NKAIN2: variants seen among roughly 807,000 people sequenced by gnomAD.
The protein encoded by NKAIN2 is sodium/potassium-transporting ATPase subunit beta-1-interacting protein 2.
A neutral mutation model predicts 32.6 loss-of-function variants in NKAIN2; 14 were observed. That is an observed-to-expected ratio of 0.43 (90% confidence interval 0.28 to 0.67). The LOEUF is 0.67. NKAIN2 is among the 30% of genes least tolerant of loss of function. NKAIN2 has a pLI of 0.17. For synonymous variants in NKAIN2, 80 were observed against 87.2 expected (o/e 0.92, Z 0.46); for missense variants, 198 against 258.3 (o/e 0.77, Z 1.60).
chr6:124,109,034 C>T (rs1230951014), intron 1 of NKAIN2, among the ~76,000 whole-genome samples: 3 of 151,956 alleles, frequency 2.0e-5, no homozygotes, highest in Non-Finnish European at 4.4e-5. Flanking sequence ...TTTGGCTTTT[C>T]ATGGCCTGTT....
Position 124,822,752 on chromosome 6 carries a change from G to A in NKAIN2, c.618-468G>A, listed in dbSNP as rs532904564. Among the ~76,000 whole-genome samples the A allele has an allele frequency of 2.5e-4, 38 of 151,892 alleles. No individual in the cohort carries two copies. The Middle Eastern group carries it at 0.017, about 68-fold the overall frequency. On this transcript the variant is annotated intron_variant, in intron 6 of 6. Coordinates refer to ENST00000368417, the MANE Select transcript of NKAIN2 (RefSeq NM_001040214.3). ...TGCACAAAAAAAATCCCATGTCTGC[G>A]TGCTCCAGCCCCGGCAACAGAGCTA... is the stretch of plus-strand genomic sequence containing the variant.
intron 1 of NKAIN2, among the ~76,000 whole-genome samples, chr6:123,944,836 A>G (rs1389895506): frequency 6.6e-6 from 1 of 151,978 alleles, no homozygotes; most frequent in African/African-American, 2.4e-5. Flanking sequence ...TCTTAGGTTA[A>G]GGTCATAGCT....
At chr6:124,789,303 T>A (rs1779640165) in intron 4 of NKAIN2, among the ~76,000 whole-genome samples, 1 of 152,062 alleles carries the variant, frequency 6.6e-6, no homozygotes, top group African/African-American at 2.4e-5. Context: ...TTAGGACAAA[T>A]TGCTTTACAA....
At chr6:123,984,946 G>C (rs779598785) in intron 1 of NKAIN2, among the ~76,000 whole-genome samples, 1 of 152,058 alleles carries the variant, frequency 6.6e-6, no homozygotes, top group Non-Finnish European at 1.5e-5. Context: ...AGCATACACT[G>C]GAAAATAATT....
chr6:124,095,858 G>A (rs1396770492), intron 1 of NKAIN2, among the ~76,000 whole-genome samples: 2 of 151,970 alleles, frequency 1.3e-5, no homozygotes, highest in Non-Finnish European at 2.9e-5. Context: ...ATAACAGCTG[G>A]GCTAATAGTT....
At chr6:123,912,026 A>G (rs1775240126) in intron 1 of NKAIN2, among the ~76,000 whole-genome samples, 1 of 151,484 alleles carries the variant, frequency 6.6e-6, no homozygotes, top group Admixed American at 6.6e-5. Flanking sequence ...TACCTCTCAG[A>G]TGGTCTGGAA....
chr6:124,188,312 G>A (rs1192322556), intron 1 of NKAIN2, among the ~76,000 whole-genome samples: 1 of 152,170 alleles, frequency 6.6e-6, no homozygotes, highest in Non-Finnish European at 1.5e-5. Context: ...TATAGGGCAG[G>A]CTATCAGAAG....
At chr6:123,967,701 G>A (rs573151386) in intron 1 of NKAIN2, among the ~76,000 whole-genome samples, 1 of 152,032 alleles carries the variant, frequency 6.6e-6, no homozygotes, top group Non-Finnish European at 1.5e-5. Flanking sequence ...GGGAGTGTGT[G>A]TATATATACA....
intron 1 of NKAIN2, among the ~76,000 whole-genome samples, chr6:124,005,349 T>G (rs1226658722): frequency 6.6e-6 from 1 of 152,198 alleles, no homozygotes; most frequent in Non-Finnish European, 1.5e-5. Flanking sequence ...ATGTTTGCAA[T>G]GACTCTTGCA....
At chr6:123,894,159 G>A (rs1774161734) in intron 1 of NKAIN2, among the ~76,000 whole-genome samples, 1 of 151,744 alleles carries the variant, frequency 6.6e-6, no homozygotes, top group Admixed American at 6.6e-5. Context: ...ATGTTTTTCA[G>A]GTGTCTCAAA....
At chr6:124,655,293 G>A (rs958028553) in intron 3 of NKAIN2, among the ~76,000 whole-genome samples, 1 of 151,936 alleles carries the variant, frequency 6.6e-6, no homozygotes, top group African/African-American at 2.4e-5. Context: ...ATCCAAGTGA[G>A]GCACTTACTC....
At position 124,028,836 on chromosome 6, in the gene NKAIN2, T is replaced by C. The variant is rs1275278194; in HGVS notation, c.54+224582T>C. Among the ~76,000 whole-genome samples, 9 of 146,144 alleles carry C rather than the reference T, an allele frequency of 6.2e-5. No individual in the cohort carries two copies. The East Asian group carries it at 1.8e-3, about 29-fold the overall frequency. On this transcript the variant is annotated intron_variant, in intron 1 of 6. Coordinates refer to ENST00000368417, the MANE Select transcript of NKAIN2 (RefSeq NM_001040214.3). The stretch of plus-strand genomic sequence containing the variant: ...ACGTATATGTGTATATATATACATA[T>C]ATATGTATATATGTGTGTGTCTATA...
chr6:123,975,295 C>A (rs921462769), intron 1 of NKAIN2, among the ~76,000 whole-genome samples: 1 of 152,028 alleles, frequency 6.6e-6, no homozygotes, highest in Non-Finnish European at 1.5e-5. Flanking sequence ...TTTTTATTTT[C>A]CTTTTTCCAC....
chr6:124,275,807 T>G (rs1795001928), intron 1 of NKAIN2, among the ~76,000 whole-genome samples: 3 of 147,854 alleles, frequency 2.0e-5, no homozygotes, highest in African/African-American at 5.3e-5. Context: ...TGATTTCAAA[T>G]TTGTATTGAA....
intron 1 of NKAIN2, among the ~76,000 whole-genome samples, chr6:124,039,574 TTATTTATTCAG>T (rs1781771813): frequency 6.6e-6 from 1 of 151,948 alleles, no homozygotes; most frequent in Admixed American, 6.6e-5. Context: ...AATCGTTTAC[TTATTTATTCAG>T]TGAATATCTA....
intron 1 of NKAIN2, among the ~76,000 whole-genome samples, chr6:124,118,268 A>G (rs1042373331): frequency 6.6e-6 from 1 of 152,166 alleles, no homozygotes. Flanking sequence ...ACACATTGCA[A>G]TAACATAAAA....
intron 3 of NKAIN2, among the ~76,000 whole-genome samples, chr6:124,452,439 T>C (rs1409210016): frequency 6.6e-6 from 1 of 152,114 alleles, no homozygotes; most frequent in Non-Finnish European, 1.5e-5. Context: ...TCTGTTTTTA[T>C]ATATTTGGAT....
chr6:124,286,471 C>T (rs1477188116), intron 2 of NKAIN2, among the ~76,000 whole-genome samples: 2 of 152,116 alleles, frequency 1.3e-5, no homozygotes, highest in South Asian at 4.2e-4. Context: ...TACCAGTGTA[C>T]AGCAGAGTTG....
intron 2 of NKAIN2, among the ~76,000 whole-genome samples, chr6:124,342,692 A>G (rs1167659050): frequency 3.3e-5 from 5 of 151,546 alleles, no homozygotes; most frequent in Admixed American, 6.6e-5. Flanking sequence ...TATTTTTTGT[A>G]GGGACGGGGT....
Sources: gnomAD v4.1 joint callset for allele counts (sites outside exome capture counted in the v4.1 genomes callset) on GRCh38, gnomAD v4.1.1 for gene constraint, MANE v1.5 for transcripts, NCBI Gene and HGNC (gene_info 2026-07-23, HGNC 2026-07-21) for gene names.